SLCO4C1: variants seen among roughly 807,000 people sequenced by gnomAD.
SLCO4C1 encodes the protein organic anion transporter M1.
SLCO4C1 carries 58 observed loss-of-function variants against 72.1 expected under a neutral mutation model. The observed-to-expected ratio is 0.80, with a 90% CI of 0.65 to 1.00. The LOEUF (loss-of-function observed/expected upper bound fraction) is 1.00, where lower values mean the gene tolerates loss of function less well. SLCO4C1 is among the 50% of genes least tolerant of loss of function. The pLI is 0.00. For missense variants in SLCO4C1, 898 were observed against 857.9 expected, an observed-to-expected ratio of 1.05 and a Z score of -0.58; for synonymous variants, 297 against 312.5, an observed-to-expected ratio of 0.95 and a Z score of 0.52.
At chr5:102,273,223 A>G (rs1749186053) in intron 2 of SLCO4C1, among the ~76,000 whole-genome samples, 1 of 152,128 alleles carries the variant, frequency 6.6e-6, no homozygotes. Flanking sequence ...CAGATATAGA[A>G]TTCAGACAAA....
In SLCO4C1 at chr5:102,247,323, G is replaced by C; in HGVS notation, c.1740C>G (p.Phe580Leu). 1 of 1,595,502 alleles carries C rather than the reference G, an allele frequency of 6.3e-7. No homozygotes were observed. Among genetic ancestry groups the C allele is most frequent in the Non-Finnish European group, 8.6e-7 (1 of 1,166,510 alleles). The change falls in exon 10 of 13, where the codon TTC becomes TTG. Residue 580 changes from phenylalanine to leucine, a missense_variant. Coordinates refer to ENST00000310954, the MANE Select transcript of SLCO4C1 (RefSeq NM_180991.5). ...CETHCAKLPIFLCIFFIVIIF... is the reference protein window; with the variant it reads ...CETHCAKLPILLCIFFIVIIF... ...TAATTACAATAAAGAAAATGCAAAG[G>C]AATATGGGCAGTTTCGCACAATGAG...
Position 102,262,050 on chromosome 5 carries a change from CAA to C in SLCO4C1, c.900-19_900-18del, listed in dbSNP as rs1748954315. ...ACATCAGTGCTATATGATAGAAAAA[CAA>C]GAGGTAAAAGTCAACTCTACCTTAT... On this transcript the variant is annotated intron_variant, in intron 4 of 12. Transcript: ENST00000310954. 1.3e-6 allele frequency: 2 copies of C among 1,591,902 alleles called. No individual in the cohort carries two copies. The highest frequency in any genetic ancestry group is 4.5e-5 in the East Asian group (2 of 44,144).
intron 2 of SLCO4C1, among the ~76,000 whole-genome samples, chr5:102,274,526 G>T (rs1214043835): frequency 6.6e-6 from 1 of 152,142 alleles, no homozygotes; most frequent in Non-Finnish European, 1.5e-5. Context: ...AGAGGCTAAA[G>T]GTACCTCTTT....
chr5:102,237,147 T>A, intron 12 of SLCO4C1, 129 bp from the exon 13 acceptor site: 4 of 996,876 alleles, frequency 4.0e-6, no homozygotes, highest in Non-Finnish European at 5.6e-6. Flanking sequence ...GTTCTATGTT[T>A]AAAATTTTTG....
intron 8 of SLCO4C1, among the ~76,000 whole-genome samples, chr5:102,256,542 A>G (rs1013543274): frequency 6.6e-6 from 1 of 152,238 alleles, no homozygotes; most frequent in Non-Finnish European, 1.5e-5. Context: ...ATTTCAAAGC[A>G]AAACAAAAAA....
intron 2 of SLCO4C1, among the ~76,000 whole-genome samples, chr5:102,280,329 T>C (rs1456247285): frequency 1.3e-5 from 2 of 151,754 alleles, no homozygotes; most frequent in Admixed American, 1.3e-4. Context: ...GAAACTGAAA[T>C]TTAAAATACA....
At chr5:102,262,166 G>A (rs1207565707) in intron 4 of SLCO4C1, 133 bp from the exon 5 acceptor site, 3 of 567,726 alleles carry the variant, frequency 5.3e-6, no homozygotes, top group African/African-American at 2.0e-5. Flanking sequence ...GTTTAATGGT[G>A]CCATTGCAAA....
At chr5:102,269,578 T>C (rs1398763792) in intron 3 of SLCO4C1, among the ~76,000 whole-genome samples, 1 of 152,152 alleles carries the variant, frequency 6.6e-6, no homozygotes, top group Non-Finnish European at 1.5e-5. Context: ...CTCATTCAGA[T>C]CATGAATTGT....
chr5:102,270,856 AAATTTC>A, intron 2 of SLCO4C1, 50 bp from the exon 3 acceptor site: 1 of 1,387,494 alleles, frequency 7.2e-7, no homozygotes, highest in Non-Finnish European at 9.7e-7. Flanking sequence ...CTAATAATTT[AAATTTC>A]TATCATATAA....
chr5:102,255,971 CG>C (rs1256933582), intron 8 of SLCO4C1, among the ~76,000 whole-genome samples: 7 of 131,560 alleles, frequency 5.3e-5, no homozygotes, highest in Admixed American at 1.6e-4. Context: ...TTTGGGTGGC[CG>C]AGCCAGGCAG....
At chr5:102,277,360 C>G (rs1749265034) in intron 2 of SLCO4C1, among the ~76,000 whole-genome samples, 1 of 151,864 alleles carries the variant, frequency 6.6e-6, no homozygotes, top group Non-Finnish European at 1.5e-5. Context: ...ATCCTCACCC[C>G]TCGTGCCAGT....
At chr5:102,280,408 T>C (rs1241509907) in intron 2 of SLCO4C1, among the ~76,000 whole-genome samples, 1 of 151,714 alleles carries the variant, frequency 6.6e-6, no homozygotes, top group Non-Finnish European at 1.5e-5. Flanking sequence ...AAAATATATA[T>C]ACATAACTTG....
chr5:102,239,209 A>C (rs1181681428), intron 12 of SLCO4C1, 42 bp downstream of exon 12: 2 of 1,481,048 alleles, frequency 1.4e-6, no homozygotes, highest in Non-Finnish European at 1.8e-6. Context: ...TTTTTTTTAC[A>C]TCCTTAGTTT....
chr5:102,286,687 C>T (rs1749458227), intron 2 of SLCO4C1, among the ~76,000 whole-genome samples: 1 of 152,004 alleles, frequency 6.6e-6, no homozygotes, highest in South Asian at 2.1e-4. Context: ...CACAACTTCC[C>T]TTTGATCATC....
intron 1 of SLCO4C1, among the ~76,000 whole-genome samples, chr5:102,291,890 C>T (rs533258172): frequency 2.0e-5 from 3 of 152,080 alleles, no homozygotes; most frequent in Admixed American, 6.6e-5. Context: ...GGCGCGATCT[C>T]GGCTCACCGC....
chr5:102,276,313 C>CA (rs1749245367), intron 2 of SLCO4C1, among the ~76,000 whole-genome samples: 1 of 152,188 alleles, frequency 6.6e-6, no homozygotes, highest in Non-Finnish European at 1.5e-5. Context: ...AAGCTATCTG[C>CA]AAAATATCAT....
rs1748392981 is a variant in SLCO4C1 at position 102,234,160 on chromosome 5, C to A, written c.*2698G>T. 6.6e-6 allele frequency: 1 copy of A among 152,396 alleles called. No homozygotes were observed. The highest frequency in any genetic ancestry group is 1.5e-5 in the Non-Finnish European group (1 of 67,976). The allele number at this position is 152,396 out of a possible 1,614,324, so 9.4% of individuals were successfully genotyped here. On this transcript the variant is annotated 3_prime_UTR_variant, in exon 13 of 13. Transcript: ENST00000310954. ...GTAAGTTTTACATTTGTATTTTCTA[C>A]AATTAAGTAAATCTAAATGTTAAAT...
chr5:102,251,670 T>G (rs10066650), intron 8 of SLCO4C1, among the ~76,000 whole-genome samples: 18,111 of 151,896 alleles, frequency 0.12, 1,286 homozygotes, highest in African/African-American at 0.16. Context: ...CAATGATGAG[T>G]ATGGTATTGT....
At chr5:102,275,609 T>A (rs1749233463) in intron 2 of SLCO4C1, among the ~76,000 whole-genome samples, 1 of 152,164 alleles carries the variant, frequency 6.6e-6, no homozygotes, top group South Asian at 2.1e-4. Flanking sequence ...CTACTGAGAA[T>A]CTTCTTTGTA....
Sources: gnomAD v4.1 joint callset for allele counts (sites outside exome capture counted in the v4.1 genomes callset) on GRCh38, gnomAD v4.1.1 for gene constraint, MANE v1.5 for transcripts, NCBI Gene and HGNC (gene_info 2026-07-23, HGNC 2026-07-21) for gene names.